ZNF106: variants seen among roughly 807,000 people sequenced by gnomAD.
ZNF106 encodes zinc finger protein 106, also known as SH3-domain binding protein 3.
ZNF106 carries 67 observed loss-of-function variants against 195.1 expected under a neutral mutation model. The ratio of observed to expected loss-of-function variants is 0.34; its 90% CI spans 0.28 to 0.42. The LOEUF is 0.42. ZNF106 is among the 10% of genes least tolerant of loss of function. The pLI, the probability that ZNF106 is intolerant of heterozygous loss-of-function variation, is 1.00. For missense variants in ZNF106, 2,118 were observed against 2,304.5 expected (o/e 0.92, Z 1.66); for synonymous variants, 784 against 818.6 (o/e 0.96, Z 0.72).
rs187353203 is a variant in ZNF106 at position 42,414,913 on chromosome 15, G to C, written c.*2391C>G. The C allele has an allele frequency of 1.8e-4, 28 of 152,322 alleles. 1 individual carries two copies. Among genetic ancestry groups the C allele is most frequent in the Admixed American group, 1.8e-3 (27 of 15,292 alleles). 9.4% of individuals were successfully genotyped at this position (152,322 alleles called of 1,614,324 possible). On this transcript the variant is annotated 3_prime_UTR_variant, in exon 22 of 22. Transcript: ENST00000564754. ...ATATCCTTATAGGAAATAGGGGTGAGAGGTGGGAAAAGCTTCTCAATCTCA... is the reference window on the plus strand; with the variant it reads ...ATATCCTTATAGGAAATAGGGGTGACAGGTGGGAAAAGCTTCTCAATCTCA...
rs542811519 is a variant in ZNF106, at chr15:42,489,603, T to C, written c.-33+1377A>G. On this transcript the variant is annotated intron_variant, in intron 1 of 21. Coordinates refer to ENST00000564754, the MANE Select transcript of ZNF106 (RefSeq NM_001366845.3). ...GCGGTATTGGCAAATGTGTAGTAGA[T>C]ACTAAATAAATTCTAGTTGCATCTG... Among the ~76,000 whole-genome samples, 3 of 152,344 alleles carry C rather than the reference T, an allele frequency of 2.0e-5. No individual in the cohort carries two copies. In the South Asian group the frequency reaches 6.2e-4, roughly 32 times the overall value.
chr15:42,480,976 ACT>A (rs1265176846), intron 1 of ZNF106, among the ~76,000 whole-genome samples: 2 of 151,840 alleles, frequency 1.3e-5, no homozygotes, highest in Admixed American at 6.6e-5. Flanking sequence ...CAAGAATGAA[ACT>A]CTGTCTCAAA....
intron 3 of ZNF106, among the ~76,000 whole-genome samples, chr15:42,460,651 A>G (rs993841439): frequency 3.3e-5 from 5 of 152,228 alleles, no homozygotes; most frequent in Admixed American, 2.6e-4. Context: ...ACCTGAGGTC[A>G]GGAGTTCAAG....
At chr15:42,417,760 G>A in intron 21 of ZNF106, 45 bp downstream of exon 21, 2 of 1,578,046 alleles carry the variant, frequency 1.3e-6, no homozygotes, top group Non-Finnish European at 1.7e-6. Context: ...CCTGCTCTGA[G>A]CAGTCTACTG....
chr15:42,472,295 C>G lies in ZNF106; in HGVS notation c.-6G>C, dbSNP rs2056690203. ...CATTTTCGTTCTCGTACCATAGTGA[C>G]CAGATCTGAAGCACTCAACGTCACA... is the stretch of plus-strand genomic sequence containing the variant. On this transcript the variant is annotated 5_prime_UTR_variant, in exon 2 of 22. Transcript: ENST00000564754. 3 of 1,535,514 alleles carry G rather than the reference C, an allele frequency of 2.0e-6. No homozygotes were observed.
At chr15:42,433,296 G>C (rs185615070) in intron 14 of ZNF106, among the ~76,000 whole-genome samples, 1 of 151,630 alleles carries the variant, frequency 6.6e-6, no homozygotes, top group African/African-American at 2.4e-5. Context: ...TAGTAGAGAC[G>C]GGGTTTCACC....
intron 13 of ZNF106, 31 bp downstream of exon 13, chr15:42,437,201 C>CA: frequency 6.3e-7 from 1 of 1,580,424 alleles, no homozygotes; most frequent in Non-Finnish European, 8.6e-7. Flanking sequence ...AACCTGCAAC[C>CA]AAAAACATTC....
At chr15:42,490,592 T>C (rs2057133595) in intron 1 of ZNF106, among the ~76,000 whole-genome samples, 1 of 151,850 alleles carries the variant, frequency 6.6e-6, no homozygotes, top group African/African-American at 2.4e-5. Context: ...AGAACGGAGG[T>C]TGTCAGTCGC....
chr15:42,487,434 T>C (rs936282060), intron 1 of ZNF106, among the ~76,000 whole-genome samples: 6 of 134,400 alleles, frequency 4.5e-5, no homozygotes, highest in Admixed American at 4.4e-4. Flanking sequence ...GAGGGTGTAG[T>C]GAGCCATGAT....
intron 1 of ZNF106, among the ~76,000 whole-genome samples, chr15:42,477,246 G>C (rs567918578): frequency 6.6e-6 from 1 of 152,104 alleles, no homozygotes; most frequent in East Asian, 1.9e-4. Context: ...AGCTTCTTAA[G>C]GTAGAACTTG....
rs773844177 is a variant in ZNF106, at chr15:42,442,323, G to A, written c.3513C>T (p.Ala1171=). ...RNSRSQTSID[A]ALLPTPFFPL... is the part of the protein sequence containing the mutation. ...GGAAAAAGGGAGTGGGCAGCAGTGCGGCATCAATGGATGTTTGAGATCTAC... is the reference window on the plus strand; with the variant it reads ...GGAAAAAGGGAGTGGGCAGCAGTGCAGCATCAATGGATGTTTGAGATCTAC... Residue 1171 remains alanine, a synonymous_variant, in exon 10 of 22, where the codon GCC becomes GCT. Coordinates refer to ENST00000564754, the MANE Select transcript of ZNF106 (RefSeq NM_001366845.3). The A allele has an allele frequency of 3.7e-6, 6 of 1,614,168 alleles. No individual in the cohort carries two copies. Among genetic ancestry groups the A allele is most frequent in the South Asian group, 1.1e-5 (1 of 91,084 alleles).
chr15:42,420,971 T>G, intron 20 of ZNF106, 90 bp downstream of exon 20: 1 of 1,165,970 alleles, frequency 8.6e-7, no homozygotes. Context: ...AATATAAAAA[T>G]GCTACACTGA....
At position 42,424,882 on chromosome 15, in the gene ZNF106, C is replaced by A. The variant is rs1566996406; in HGVS notation, c.5142G>T (p.Leu1714=). ...TATGGCCCTCCAGAGTTCTGAGGAG[C>A]AGTCCATTCCGGGCATCGCGTACAC... ...TISVRDARNG[L]LLRTLEGHSK... Residue 1714 remains leucine, a synonymous_variant, in exon 16 of 22, where the codon CTG becomes CTT. Coordinates refer to ENST00000564754, the MANE Select transcript of ZNF106 (RefSeq NM_001366845.3). 1.2e-6 allele frequency: 2 copies of A among 1,614,164 alleles called. No homozygotes were observed. The highest frequency in any genetic ancestry group is 1.7e-6 in the Non-Finnish European group (2 of 1,180,020).
chr15:42,469,264 T>C (rs1187405931), intron 2 of ZNF106, among the ~76,000 whole-genome samples: 1 of 152,202 alleles, frequency 6.6e-6, no homozygotes, highest in Non-Finnish European at 1.5e-5. Context: ...CTTACCAATA[T>C]GCCTAATCCC....
chr15:42,481,341 T>TG (rs1327061043), intron 1 of ZNF106, among the ~76,000 whole-genome samples: 3 of 136,530 alleles, frequency 2.2e-5, no homozygotes, highest in Admixed American at 7.2e-5. Context: ...ATATTCTTTC[T>TG]GTTTTTTTTT....
In ZNF106 at chr15:42,421,999, A is replaced by G. The variant is rs1191558572; in HGVS notation, c.5374-11T>C. On this transcript the variant is annotated splice_polypyrimidine_tract_variant and intron_variant, in intron 18 of 21. Transcript: ENST00000564754. ...TAATCGATCATGAGACTTAGGCAGA[A>G]AAAAAAAAAGAGAATTGAAGTTATT... is the stretch of plus-strand genomic sequence containing the variant. 2.0e-6 allele frequency: 3 copies of G among 1,537,266 alleles called. No individual in the cohort carries two copies. Among genetic ancestry groups the G allele is most frequent in the East Asian group, 2.3e-5 (1 of 43,708 alleles).
intron 3 of ZNF106, among the ~76,000 whole-genome samples, chr15:42,462,562 C>A (rs2056417486): frequency 6.6e-6 from 1 of 152,158 alleles, no homozygotes; most frequent in Non-Finnish European, 1.5e-5. Context: ...CACACCATTG[C>A]ACTCCAGCTT....
intron 1 of ZNF106, among the ~76,000 whole-genome samples, chr15:42,484,651 T>C (rs937681939): frequency 2.6e-5 from 4 of 152,180 alleles, no homozygotes; most frequent in African/African-American, 7.2e-5. Context: ...CGCACGAGAA[T>C]TGCTTGAACC....
chr15:42,436,801 T>C (rs2055288987), intron 13 of ZNF106, among the ~76,000 whole-genome samples: 2 of 152,160 alleles, frequency 1.3e-5, no homozygotes, highest in African/African-American at 4.8e-5. Flanking sequence ...CCTCCTCTAT[T>C]ATGTAGCTGC....
Sources: gnomAD v4.1 joint callset for allele counts (sites outside exome capture counted in the v4.1 genomes callset) on GRCh38, gnomAD v4.1.1 for gene constraint, MANE v1.5 for transcripts, NCBI Gene and HGNC (gene_info 2026-07-23, HGNC 2026-07-21) for gene names.